The following CSTPP1 variants were observed in gnomAD, a reference collection of about 807,000 sequenced individuals.
CSTPP1 encodes the protein centriolar satellite-associated tubulin polyglutamylase complex regulator 1.
the CSTPP1 span, among the ~76,000 whole-genome samples, chr11:47,037,394 T>A: frequency 1.1e-4 from 5 of 46,726 alleles, 2 homozygotes; most frequent in Non-Finnish European, 2.2e-4. Flanking sequence ...TTATTATTAT[T>A]TTTTTTTTTT....
chr11:47,142,103 C>T, the CSTPP1 span, among the ~76,000 whole-genome samples: 2 of 151,668 alleles, frequency 1.3e-5, no homozygotes, highest in African/African-American at 2.4e-5. Flanking sequence ...ATTAGCTGGG[C>T]GTGGTGATGC....
At chr11:47,018,063 C>G in the CSTPP1 span, among the ~76,000 whole-genome samples, 1 of 152,092 alleles carries the variant, frequency 6.6e-6, no homozygotes, top group Admixed American at 6.6e-5. Context: ...TGTGTCAGTA[C>G]TTTGCTTCTT....
At chr11:47,161,518 T>C in the CSTPP1 span, 27 of 1,614,030 alleles carry the variant, frequency 1.7e-5, no homozygotes, top group South Asian at 3.3e-5. Context: ...CAGAGGCCAG[T>C]TGCCTGCCTT....
chr11:47,044,096 C>T, the CSTPP1 span, among the ~76,000 whole-genome samples: 10 of 152,030 alleles, frequency 6.6e-5, no homozygotes, highest in African/African-American at 2.2e-4. Flanking sequence ...AACCAATTCT[C>T]CTGCCTCAGC....
the CSTPP1 span, among the ~76,000 whole-genome samples, chr11:47,036,141 A>C: frequency 2.1e-5 from 1 of 46,924 alleles, no homozygotes; most frequent in African/African-American, 8.2e-5. Flanking sequence ...ACAATATAAT[A>C]TATAATATAT....
the CSTPP1 span, among the ~76,000 whole-genome samples, chr11:46,970,095 T>G: frequency 6.6e-6 from 1 of 152,156 alleles, no homozygotes; most frequent in Admixed American, 6.5e-5. Flanking sequence ...CAGGCACAAT[T>G]TACCATTGAG....
chr11:47,104,185 C>T, the CSTPP1 span, among the ~76,000 whole-genome samples: 5 of 152,142 alleles, frequency 3.3e-5, no homozygotes, highest in South Asian at 1.0e-3. Context: ...TTAAAGAAAT[C>T]CACCCCAATT....
the CSTPP1 span, among the ~76,000 whole-genome samples, chr11:47,158,599 A>AATCT: frequency 1.3e-5 from 2 of 152,178 alleles, no homozygotes; most frequent in South Asian, 4.2e-4. Flanking sequence ...TGCTGTGTAC[A>AATCT]ATCTCAGCTC....
At chr11:47,047,031 G>A in the CSTPP1 span, among the ~76,000 whole-genome samples, 1 of 151,578 alleles carries the variant, frequency 6.6e-6, no homozygotes, top group Non-Finnish European at 1.5e-5. Context: ...CTCCAGAAAA[G>A]CTGGGATTAC....
chr11:47,087,508 G>C, the CSTPP1 span, among the ~76,000 whole-genome samples: 2 of 152,194 alleles, frequency 1.3e-5, no homozygotes, highest in Non-Finnish European at 2.9e-5. Context: ...AGGCCATCCT[G>C]ACCAATATGG....
At chr11:47,012,103 C>T in the CSTPP1 span, among the ~76,000 whole-genome samples, 21 of 149,362 alleles carry the variant, frequency 1.4e-4, no homozygotes, top group Admixed American at 2.7e-4. Flanking sequence ...AGCAGTACCT[C>T]GTTTAAAAAA....
chr11:47,109,251 A>C, the CSTPP1 span: 1 of 152,230 alleles, frequency 6.6e-6, no homozygotes. Flanking sequence ...CTCTGGATTC[A>C]GACAATGGTG....
At chr11:46,945,895 A>G in the CSTPP1 span, among the ~76,000 whole-genome samples, 2 of 152,308 alleles carry the variant, frequency 1.3e-5, no homozygotes, top group Non-Finnish European at 2.9e-5. Context: ...GCCAGCAGCT[A>G]TCTTGGCCTT....
the CSTPP1 span, among the ~76,000 whole-genome samples, chr11:47,139,010 A>AAAAAAAAAC: frequency 6.6e-6 from 1 of 150,800 alleles, no homozygotes; most frequent in Non-Finnish European, 1.5e-5. Context: ...AAAAAAAAAA[A>AAAAAAAAAC]AACCTGAGCT....
the CSTPP1 span, among the ~76,000 whole-genome samples, chr11:46,954,267 G>A: frequency 2.0e-5 from 3 of 151,998 alleles, no homozygotes; most frequent in African/African-American, 7.2e-5. Context: ...GGGAGGATTC[G>A]GCTGGATGCA....
the CSTPP1 span, among the ~76,000 whole-genome samples, chr11:47,115,913 G>T: frequency 6.6e-6 from 1 of 152,096 alleles, no homozygotes; most frequent in African/African-American, 2.4e-5. Flanking sequence ...TGATGTTAGG[G>T]TGTCGATTTT....
chr11:47,164,245 G>A, the CSTPP1 span: 11 of 1,612,954 alleles, frequency 6.8e-6, no homozygotes, highest in Non-Finnish European at 9.3e-6. Context: ...TGGGAGCCCA[G>A]AGAGTGAGGC....
the CSTPP1 span, among the ~76,000 whole-genome samples, chr11:47,086,519 G>A: frequency 6.6e-6 from 1 of 151,940 alleles, no homozygotes; most frequent in Non-Finnish European, 1.5e-5. Context: ...GGGTAAAGGG[G>A]GAAAGGAAGA....
At chr11:46,955,277 T>A in the CSTPP1 span, among the ~76,000 whole-genome samples, 1 of 152,092 alleles carries the variant, frequency 6.6e-6, no homozygotes, top group East Asian at 1.9e-4. Context: ...GGCCCCCAAT[T>A]GCATCTCTTT....
Sources: gnomAD v4.1 joint callset for allele counts (sites outside exome capture counted in the v4.1 genomes callset) on GRCh38, gnomAD v4.1.1 for gene constraint, MANE v1.5 for transcripts, NCBI Gene and HGNC (gene_info 2026-07-23, HGNC 2026-07-21) for gene names.